NEK2: variants seen among roughly 807,000 people sequenced by gnomAD.
NEK2 encodes the protein serine/threonine-protein kinase Nek2.
NEK2 carries 28 observed loss-of-function variants against 54.1 expected under a neutral mutation model. That is an observed-to-expected ratio of 0.52 (90% CI 0.38 to 0.71). The LOEUF (loss-of-function observed/expected upper bound fraction) is 0.71. Among genes scored for constraint, NEK2 ranks in the 30% least tolerant of loss-of-function variants. NEK2 has a pLI of 0.00. For missense variants in NEK2, 407 were observed against 531.5 expected (o/e 0.77, Z 2.30); for synonymous variants, 176 against 193.1 (o/e 0.91, Z 0.73).
At chr1:211,672,133 T>C (rs1655410529) in intron 3 of NEK2, among the ~76,000 whole-genome samples, 1 of 152,250 alleles carries the variant, frequency 6.6e-6, no homozygotes, top group Non-Finnish European at 1.5e-5. Context: ...TATAAATATT[T>C]GGAAAATCCT....
chr1:211,671,146 G>A, intron 4 of NEK2, 56 bp downstream of exon 4: 3 of 1,401,926 alleles, frequency 2.1e-6, no homozygotes, highest in Non-Finnish European at 3.0e-6. Context: ...TGAACCCAGT[G>A]AAATGTGACA....
downstream of NEK2, chr1:211,660,950 C>T (rs1655004367): frequency 2.7e-6 from 2 of 746,338 alleles, no homozygotes; most frequent in South Asian, 2.7e-5. Flanking sequence ...ATGTCATCTA[C>T]CACGAGGAAG....
downstream of NEK2, chr1:211,660,983 A>C (rs1655005284): frequency 2.7e-6 from 2 of 743,422 alleles, no homozygotes; most frequent in South Asian, 2.8e-5. Flanking sequence ...AGTTCCACAC[A>C]CCAACCCACC....
At position 211,669,109 on chromosome 1, in the gene NEK2, T is replaced by G; in HGVS notation, c.985+4A>C. 6.2e-7 allele frequency: 1 copy of G among 1,613,614 alleles called. No homozygotes were observed. The highest frequency in any genetic ancestry group is 8.5e-7 in the Non-Finnish European group (1 of 1,179,676). On this transcript the variant is annotated splice_donor_region_variant and intron_variant, in intron 6 of 7. Transcript: ENST00000366999. The stretch of plus-strand genomic sequence containing the variant: ...CCTTTGCTTTGACCCCCATTCAGAC[T>G]TACGCTCCAATCTTTCTTCTCTTGC...
rs151049149 is a variant in NEK2, at chr1:211,673,629, C to T, written c.409G>A (p.Val137Ile). ...CHRRSDGGHT[V>I]LHRDLKPANV... is the part of the protein sequence containing the mutation. The stretch of plus-strand genomic sequence containing the variant: ...GCTGGTTTCAGATCCCGATGCAATA[C>T]GGTATGACCACCATCACTTCGTCTG... The change falls in exon 3 of 8, where the codon GTA (valine) becomes ATA (isoleucine). Residue 137 changes from valine (V) to isoleucine (I), a missense_variant. Coordinates refer to ENST00000366999, the MANE Select transcript of NEK2 (RefSeq NM_002497.4). The T allele has an allele frequency of 9.9e-5, 159 of 1,614,126 alleles. No homozygotes were observed. In the African/African-American group the frequency reaches 1.8e-3, roughly 18 times the overall value.
rs1470377171 is a variant in NEK2 at position 211,675,614 on chromosome 1, C to T, written c.-135G>A. On this transcript the variant is annotated 5_prime_UTR_variant, in exon 1 of 8. Coordinates refer to ENST00000366999, the MANE Select transcript of NEK2 (RefSeq NM_002497.4). The stretch of plus-strand genomic sequence containing the variant: ...ACTGACCCGCCACCCCTGCCTTGGG[C>T]CCCGTTTAACCGTCGCGGGCCCTGA... 6.1e-6 allele frequency: 4 copies of T among 656,042 alleles called. No individual in the cohort carries two copies. The highest frequency in any genetic ancestry group is 7.9e-6 in the Non-Finnish European group (3 of 378,674). 40.6% of individuals were successfully genotyped at this position (656,042 alleles called of 1,614,324 possible). A position where few individuals can be genotyped will look rare whatever the true frequency, so the allele number is the denominator to read the frequency against.
At position 211,663,385 on chromosome 1, in the gene NEK2, A is replaced by G; in HGVS notation, c.*41T>C. The G allele has an allele frequency of 6.4e-7, 1 of 1,571,924 alleles. No individual in the cohort carries two copies. Among genetic ancestry groups the G allele is most frequent in the Non-Finnish European group, 8.7e-7 (1 of 1,155,276 alleles). On this transcript the variant is annotated 3_prime_UTR_variant, in exon 8 of 8. Transcript: ENST00000366999. ...TGAATATCAGTCTTTAAAGGTTGGT[A>G]ATATTACATCCTGTACACAGCTCTG...
intron 6 of NEK2, among the ~76,000 whole-genome samples, chr1:211,668,557 G>A (rs1655250772): frequency 6.6e-6 from 1 of 151,944 alleles, no homozygotes; most frequent in Admixed American, 6.6e-5. Flanking sequence ...TAAGATGGGA[G>A]GATCACTTGA....
At chr1:211,664,790 T>A (rs1163535248) in intron 7 of NEK2, among the ~76,000 whole-genome samples, 1 of 152,256 alleles carries the variant, frequency 6.6e-6, no homozygotes, top group Non-Finnish European at 1.5e-5. Context: ...TTTACATTTG[T>A]AAGTCAACAT....
Position 211,663,324 on chromosome 1 carries a change from T to G in NEK2, c.*102A>C. ...ATCATGTGTACTATACAGAAAGGCATGGCTCATGGAACCAAGTATTCAACA... is the reference window on the plus strand; with the variant it reads ...ATCATGTGTACTATACAGAAAGGCAGGGCTCATGGAACCAAGTATTCAACA... On this transcript the variant is annotated 3_prime_UTR_variant, in exon 8 of 8. Coordinates refer to ENST00000366999, the MANE Select transcript of NEK2 (RefSeq NM_002497.4). 1 of 1,499,890 alleles carries G rather than the reference T, an allele frequency of 6.7e-7. No homozygotes were observed. The highest frequency in any genetic ancestry group is 8.9e-7 in the Non-Finnish European group (1 of 1,121,410). The allele number at this position is 1,499,890 out of a possible 1,614,324, so 92.9% of individuals were successfully genotyped here. A position where few individuals can be genotyped will look rare whatever the true frequency, so the allele number is the denominator to read the frequency against.
At position 211,666,941 on chromosome 1, in the gene NEK2, A is replaced by G. The variant is rs576415903; in HGVS notation, c.1111+165T>C. The G allele has an allele frequency of 2.0e-4, 287 of 1,435,210 alleles. 2 individuals are homozygous for G. In the African/African-American group the frequency reaches 3.8e-3, roughly 19 times the overall value. 88.9% of individuals were successfully genotyped at this position (1,435,210 alleles called of 1,614,324 possible). ...TGAACCCAGGAAATAAATCATTGCTATAACAGAATTTTGTTTCCATTGAAA... is the reference window on the plus strand; with the variant it reads ...TGAACCCAGGAAATAAATCATTGCTGTAACAGAATTTTGTTTCCATTGAAA... On this transcript the variant is annotated intron_variant, in intron 7 of 7. Coordinates refer to ENST00000366999, the MANE Select transcript of NEK2 (RefSeq NM_002497.4).
chr1:211,659,223 C>T (rs1484305596), downstream of NEK2, among the ~76,000 whole-genome samples: 1 of 122,726 alleles, frequency 8.1e-6, no homozygotes, highest in Non-Finnish European at 1.9e-5. Context: ...AAACATAAAA[C>T]AGAAAAAAAA....
chr1:211,671,245 T>A lies in NEK2; in HGVS notation c.595A>T (p.Ile199Phe), dbSNP rs1655378913. Residue 199 changes from isoleucine (I) to phenylalanine (F), a missense_variant, in exon 4 of 8, where the codon ATC (isoleucine) becomes TTC (phenylalanine). Coordinates refer to ENST00000366999, the MANE Select transcript of NEK2 (RefSeq NM_002497.4). ...NRMSYNEKSD[I>F]WSLGCLLYEL... Reference sequence around the variant, plus strand: ...TACAGCAAGCAGCCCAATGACCAGATATCTGATTTCTCATTGTAGGACATG... The same window carrying A: ...TACAGCAAGCAGCCCAATGACCAGAAATCTGATTTCTCATTGTAGGACATG... 6.2e-7 allele frequency: 1 copy of A among 1,613,634 alleles called. No homozygotes were observed. The highest frequency in any genetic ancestry group is 1.7e-5 in the Admixed American group (1 of 60,006).
At chr1:211,659,763 A>AT (rs1234739514), downstream of NEK2, among the ~76,000 whole-genome samples, 1 of 151,796 alleles carries the variant, frequency 6.6e-6, no homozygotes, top group Non-Finnish European at 1.5e-5. Flanking sequence ...CGAATGATAC[A>AT]TTTTTTCCCC....
In NEK2 at chr1:211,663,390, T is replaced by A. The variant is rs1188080301; in HGVS notation, c.*36A>T. 6.3e-7 allele frequency: 1 copy of A among 1,580,114 alleles called. No homozygotes were observed. Among genetic ancestry groups the A allele is most frequent in the African/African-American group, 1.3e-5 (1 of 74,324 alleles). On this transcript the variant is annotated 3_prime_UTR_variant, in exon 8 of 8. Transcript: ENST00000366999. ...ATCAGTCTTTAAAGGTTGGTAATAT[T>A]ACATCCTGTACACAGCTCTGTGTCT...
At chr1:211,658,569 A>G (rs1034586006), downstream of NEK2, 1 of 425,920 alleles carries the variant, frequency 2.3e-6, no homozygotes, top group African/African-American at 2.1e-5. Flanking sequence ...GCTTGAGCCC[A>G]TGAGTTCAAG....
At chr1:211,673,823 T>G (rs1655484762) in intron 2 of NEK2, 100 bp from the exon 3 acceptor site, 1 of 1,177,180 alleles carries the variant, frequency 8.5e-7, no homozygotes, top group African/African-American at 1.5e-5. Flanking sequence ...AATTTATTTA[T>G]TTATTTATTT....
At chr1:211,669,808 T>C (rs750293007) in intron 5 of NEK2, among the ~76,000 whole-genome samples, 1 of 151,960 alleles carries the variant, frequency 6.6e-6, no homozygotes, top group South Asian at 2.1e-4. Flanking sequence ...CCCCATTCTA[T>C]AGCCAGAGTT....
rs1655063618 is a variant in NEK2 at position 211,663,191 on chromosome 1, A to G, written c.*235T>C. ...AATCACACACAGGATTAAAAGCCCA[A>G]CCAAGAAAGTATTCTTTTTATAATA... On this transcript the variant is annotated 3_prime_UTR_variant, in exon 8 of 8. Coordinates refer to ENST00000366999, the MANE Select transcript of NEK2 (RefSeq NM_002497.4). 7.7e-7 allele frequency: 1 copy of G among 1,292,898 alleles called. No homozygotes were observed. Among genetic ancestry groups the G allele is most frequent in the East Asian group, 3.1e-5 (1 of 32,272 alleles). The allele number at this position is 1,292,898 out of a possible 1,614,324, so 80.1% of individuals were successfully genotyped here. A position where few individuals can be genotyped will look rare whatever the true frequency, so the allele number is the denominator to read the frequency against.
Sources: allele counts gnomAD v4.1 joint callset (sites outside exome capture counted in the v4.1 genomes callset), GRCh38; gene constraint gnomAD v4.1.1; transcripts MANE v1.5; gene names NCBI Gene and HGNC (gene_info 2026-07-23, HGNC 2026-07-21).